Variants in THSD7B observed in about 807,000 individuals in gnomAD.
THSD7B encodes thrombospondin type 1 domain containing 7B, also known as thrombospondin type-1 domain-containing protein 7B.
In THSD7B, 138 loss-of-function variants were observed where a neutral mutation model predicts 213.6. That is an observed-to-expected ratio of 0.65 (90% CI 0.56 to 0.74). THSD7B has a LOEUF of 0.74. THSD7B is among the 30% of genes least tolerant of loss of function. The probability of loss-of-function intolerance (pLI) is 0.00; values close to 1 mark genes in which losing one functional copy is unlikely to be tolerated. For synonymous variants in THSD7B, 742 were observed against 687.0 expected, an observed-to-expected ratio of 1.08 and a Z score of -1.25; for missense variants, 1,931 against 1,991.5, an observed-to-expected ratio of 0.97 and a Z score of 0.58.
In THSD7B at chr2:137,057,000, A is replaced by T. The variant is rs779646647; in HGVS notation, c.720A>T (p.Thr240=). The T allele has an allele frequency of 5.6e-6, 9 of 1,613,814 alleles. No individual in the cohort carries two copies. In the East Asian group the frequency reaches 2.0e-4, roughly 36 times the overall value. ...ISCPLGEEEY[T]FSLKVGPWSK... Reference sequence around the variant, plus strand: ...GTCCTCTTGGGGAAGAGGAATATACATTTAGCCTTAAGGTTGGACCATGGA... The same window carrying T: ...GTCCTCTTGGGGAAGAGGAATATACTTTTAGCCTTAAGGTTGGACCATGGA... The change falls in exon 3 of 28, where the codon ACA becomes ACT. Residue 240 remains threonine (T), a synonymous_variant. Transcript: ENST00000409968.
Position 137,546,374 on chromosome 2 carries a change from AT to A in THSD7B, c.3139-16846del, listed in dbSNP as rs1680713076. 1.0e-4 allele frequency among the ~76,000 whole-genome samples: 5 copies of A among 49,706 alleles called. 1 individual carries two copies. The highest frequency in any genetic ancestry group is 4.5e-4 in the African/African-American group (5 of 11,096). 32.6% of individuals were successfully genotyped at this position (49,706 alleles called of 152,430 possible). A position where few individuals can be genotyped will look rare whatever the true frequency, so the allele number is the denominator to read the frequency against. ...GCATATATATATATTATATATATAT[AT>A]AATATATATATTATATATATTATAT... On this transcript the variant is annotated intron_variant, in intron 15 of 27. Coordinates refer to ENST00000409968, the MANE Select transcript of THSD7B (RefSeq NM_001316349.2).
At chr2:137,601,084 T>G (rs1194448147) in intron 17 of THSD7B, among the ~76,000 whole-genome samples, 1 of 152,188 alleles carries the variant, frequency 6.6e-6, no homozygotes, top group Admixed American at 6.5e-5. Flanking sequence ...ATGCTTAGTG[T>G]TATTGTAAAA....
At chr2:137,632,836 T>C (rs1299844077) in intron 20 of THSD7B, among the ~76,000 whole-genome samples, 1 of 152,180 alleles carries the variant, frequency 6.6e-6, no homozygotes, top group African/African-American at 2.4e-5. Context: ...AGAGATGTGA[T>C]CCTGGCTTGG....
chr2:137,558,456 C>G (rs1407741895), intron 15 of THSD7B, among the ~76,000 whole-genome samples: 2 of 152,128 alleles, frequency 1.3e-5, no homozygotes, highest in East Asian at 3.9e-4. Flanking sequence ...GAACCAAAGG[C>G]AAAAACCACG....
chr2:137,062,040 C>G (rs12990271), intron 3 of THSD7B, among the ~76,000 whole-genome samples: 3 of 151,582 alleles, frequency 2.0e-5, no homozygotes, highest in Non-Finnish European at 4.4e-5. Context: ...TAGGACTATT[C>G]GTATCATCGA....
intron 7 of THSD7B, among the ~76,000 whole-genome samples, chr2:137,202,895 G>T (rs993580775): frequency 2.0e-5 from 3 of 152,110 alleles, no homozygotes; most frequent in Admixed American, 6.6e-5. Flanking sequence ...ACAGGTGATA[G>T]TTGGATAGAT....
chr2:137,231,715 G>A (rs898720760), intron 8 of THSD7B, among the ~76,000 whole-genome samples: 1 of 152,188 alleles, frequency 6.6e-6, no homozygotes, highest in South Asian at 2.1e-4. Context: ...GCATTCTGCA[G>A]GAGGGGGGCA....
intron 1 of THSD7B, among the ~76,000 whole-genome samples, chr2:136,780,339 G>C (rs910764969): frequency 8.5e-5 from 13 of 152,118 alleles, no homozygotes; most frequent in African/African-American, 3.1e-4. Flanking sequence ...CCATTCATGA[G>C]TGCATGTGCC....
chr2:136,860,288 T>C (rs995804869), intron 1 of THSD7B, among the ~76,000 whole-genome samples: 4 of 152,088 alleles, frequency 2.6e-5, no homozygotes, highest in Non-Finnish European at 5.9e-5. Flanking sequence ...TTCTTCTCTA[T>C]CCATTCTCAC....
intron 12 of THSD7B, among the ~76,000 whole-genome samples, chr2:137,364,817 A>C (rs1297948445): frequency 6.6e-6 from 1 of 152,232 alleles, no homozygotes; most frequent in Non-Finnish European, 1.5e-5. Flanking sequence ...CATACTGCCC[A>C]AGGTAATTTA....
intron 12 of THSD7B, among the ~76,000 whole-genome samples, chr2:137,282,499 T>C (rs1558741548): frequency 6.6e-6 from 1 of 152,218 alleles, no homozygotes; most frequent in Non-Finnish European, 1.5e-5. Context: ...TCCTGAATGG[T>C]ATTGCCTAGG....
intron 8 of THSD7B, among the ~76,000 whole-genome samples, chr2:137,231,520 G>C (rs17197688): frequency 0.039 from 6,006 of 152,250 alleles, 157 homozygotes; most frequent in Non-Finnish European, 0.056. Context: ...TCTTAGACAA[G>C]AAAGCAGAAT....
intron 9 of THSD7B, among the ~76,000 whole-genome samples, chr2:137,234,080 A>G (rs912239932): frequency 6.6e-6 from 1 of 152,176 alleles, no homozygotes; most frequent in African/African-American, 2.4e-5. Context: ...CTCTAAGCAT[A>G]TGAGCTGAGA....
chr2:137,169,006 C>T (rs535160009), intron 6 of THSD7B, among the ~76,000 whole-genome samples: 4 of 151,730 alleles, frequency 2.6e-5, no homozygotes, highest in East Asian at 3.9e-4. Context: ...GTATAAAGCA[C>T]GGCAGAAACC....
chr2:137,337,686 A>G (rs922346333), intron 12 of THSD7B, among the ~76,000 whole-genome samples: 1 of 152,112 alleles, frequency 6.6e-6, no homozygotes, highest in African/African-American at 2.4e-5. Context: ...GTGATTTCCA[A>G]ATAGTGATTA....
chr2:137,567,537 G>T (rs994648744), intron 16 of THSD7B, among the ~76,000 whole-genome samples: 9 of 152,206 alleles, frequency 5.9e-5, no homozygotes, highest in Admixed American at 5.2e-4. Flanking sequence ...AGAATTCCAG[G>T]TGAAAGAAGT....
intron 2 of THSD7B, among the ~76,000 whole-genome samples, chr2:136,969,819 C>G (rs1281424969): frequency 3.9e-5 from 6 of 152,130 alleles, no homozygotes; most frequent in Non-Finnish European, 8.8e-5. Flanking sequence ...GTGAAGCCCA[C>G]CTGTTGACAA....
At chr2:137,105,074 C>G (rs1381826618) in intron 4 of THSD7B, among the ~76,000 whole-genome samples, 1 of 152,166 alleles carries the variant, frequency 6.6e-6, no homozygotes, top group African/African-American at 2.4e-5. Context: ...CAGCATCATC[C>G]TGATACAAAA....
At chr2:137,510,381 C>A (rs2105151036) in intron 15 of THSD7B, among the ~76,000 whole-genome samples, 1 of 152,070 alleles carries the variant, frequency 6.6e-6, no homozygotes, top group East Asian at 1.9e-4. Context: ...AGTACGGGTC[C>A]ATTTTCCCCC....
Sources: gnomAD v4.1 joint callset for allele counts (sites outside exome capture counted in the v4.1 genomes callset) on GRCh38, gnomAD v4.1.1 for gene constraint, MANE v1.5 for transcripts, NCBI Gene and HGNC (gene_info 2026-07-23, HGNC 2026-07-21) for gene names.